Variants in MYH14 observed in about 807,000 individuals in gnomAD.
The protein encoded by MYH14 is myosin-14.
MYH14 carries 123 observed loss-of-function variants against 255.5 expected under a neutral mutation model. That is an observed-to-expected ratio of 0.48 (90% CI 0.42 to 0.56). The LOEUF is 0.56. Among genes scored for constraint, MYH14 ranks in the 20% least tolerant of loss-of-function variants. The pLI is 0.00. For synonymous variants in MYH14, 1,095 were observed against 1,161.2 expected (o/e 0.94, Z 1.16); for missense variants, 2,423 against 2,802.3 (o/e 0.86, Z 3.06).
chr19:50,212,540 C>A (rs78568590), intron 2 of MYH14, among the ~76,000 whole-genome samples: 85 of 152,302 alleles, frequency 5.6e-4, no homozygotes, highest in Middle Eastern at 3.4e-3. Flanking sequence ...GGAATCACGC[C>A]AGGATTTGAA....
rs201570558 is a variant in MYH14 at position 50,223,066 on chromosome 19, C to A, written c.563-17C>A. ...GACTCTCTCAGATGACATATTCCCC[C>A]ACTCTGTCCCCTACAGATCGTGAGG... is the stretch of plus-strand genomic sequence containing the variant. On this transcript the variant is annotated splice_polypyrimidine_tract_variant and intron_variant, in intron 3 of 42. Transcript: ENST00000642316. The A allele has an allele frequency of 2.0e-4, 329 of 1,612,384 alleles. No homozygotes were observed. In the African/African-American group the frequency reaches 4.1e-3, roughly 20 times the overall value.
rs907873235 is a variant in MYH14, at chr19:50,268,193, A to G, written c.2859A>G (p.Gln953=). The G allele has an allele frequency of 7.1e-6, 11 of 1,553,192 alleles. No individual in the cohort carries two copies. The Admixed American group carries it at 2.1e-4, about 30-fold the overall frequency. ...LEEERARLAE[Q]LRAEAELCAE... is the part of the protein sequence containing the mutation. ...AGGAGCGCGCCCGCCTGGCAGAGCA[A>G]TTGCGAGCAGAGGCAGAACTGTGTG... The change falls in exon 24 of 43, where the codon CAA becomes CAG. Residue 953 remains glutamine (Q), a synonymous_variant. Coordinates refer to ENST00000642316, the MANE Select transcript of MYH14 (RefSeq NM_001145809.2).
intron 10 of MYH14, among the ~76,000 whole-genome samples, chr19:50,234,899 C>G (rs1568484228): frequency 6.6e-6 from 1 of 152,204 alleles, no homozygotes; most frequent in African/African-American, 2.4e-5. Flanking sequence ...CCACTCTTCC[C>G]TGGCCCTAGT....
intron 27 of MYH14, among the ~76,000 whole-genome samples, chr19:50,273,756 T>G (rs757792662): frequency 1.3e-5 from 2 of 151,942 alleles, no homozygotes; most frequent in Non-Finnish European, 2.9e-5. Context: ...ATTCTTGTAC[T>G]TCAGCCTCCC....
intron 39 of MYH14, among the ~76,000 whole-genome samples, chr19:50,297,072 G>C (rs1036711311): frequency 6.6e-6 from 1 of 151,100 alleles, no homozygotes; most frequent in Admixed American, 6.6e-5. Flanking sequence ...TGCAACCTCT[G>C]CCTCCCGGAT....
chr19:50,224,084 C>A, intron 5 of MYH14, 70 bp from the exon 6 acceptor site: 1 of 1,045,292 alleles, frequency 9.6e-7, no homozygotes, highest in South Asian at 1.3e-5. Context: ...ATCACTGGTT[C>A]ACCTGTGTGT....
At chr19:50,291,351 G>T (rs1361130346) in intron 36 of MYH14, among the ~76,000 whole-genome samples, 3 of 151,436 alleles carry the variant, frequency 2.0e-5, no homozygotes, top group South Asian at 2.1e-4. Flanking sequence ...ACCCAGGCTG[G>T]AGTGCAGCGA....
chr19:50,286,425 T>C, intron 33 of MYH14, 57 bp from the exon 34 acceptor site: 1 of 1,515,408 alleles, frequency 6.6e-7, no homozygotes, highest in Non-Finnish European at 9.0e-7. Flanking sequence ...CCCGTTCCCT[T>C]GTACACTCCT....
intron 29 of MYH14, 129 bp from the exon 30 acceptor site, chr19:50,277,954 A>G (rs1483326691): frequency 3.3e-6 from 2 of 614,170 alleles, no homozygotes; most frequent in Non-Finnish European, 4.9e-6. Flanking sequence ...GGGGTGAGCT[A>G]TTTGTTCACT....
At chr19:50,209,537 C>T (rs2123150231) in intron 1 of MYH14, among the ~76,000 whole-genome samples, 2 of 152,274 alleles carry the variant, frequency 1.3e-5, no homozygotes, top group East Asian at 1.9e-4. Flanking sequence ...GTAATCCCAG[C>T]ACTTTGGGAG....
Position 50,244,247 on chromosome 19 carries a change from C to T in MYH14, c.1120C>T (p.Leu374=), listed in dbSNP as rs374603776. The T allele has an allele frequency of 7.2e-5, 117 of 1,613,806 alleles. No homozygotes were observed. Among genetic ancestry groups the T allele is most frequent in the Middle Eastern group, 3.3e-4 (2 of 6,084 alleles). ...CTCTGTCCTTGCGTCCCCAGCCATGCTGCGGATGGTCTCAGCAGTTCTCCA... is the reference window on the plus strand; with the variant it reads ...CTCTGTCCTTGCGTCCCCAGCCATGTTGCGGATGGTCTCAGCAGTTCTCCA... ...GFSHEEIISM[L]RMVSAVLQFG... is the part of the protein sequence containing the mutation. The change falls in exon 11 of 43, where the codon CTG becomes TTG. Residue 374 remains leucine (L), a synonymous_variant. Transcript: ENST00000642316.
intron 39 of MYH14, 81 bp from the exon 40 acceptor site, chr19:50,301,576 CTTAA>C: frequency 2.0e-6 from 2 of 996,232 alleles, no homozygotes; most frequent in East Asian, 4.8e-5. Flanking sequence ...CATCAGTGCA[CTTAA>C]TTCTCAGAGG....
intron 10 of MYH14, among the ~76,000 whole-genome samples, chr19:50,239,763 A>T (rs762251806): frequency 6.6e-6 from 1 of 151,820 alleles, no homozygotes; most frequent in Non-Finnish European, 1.5e-5. Flanking sequence ...GTTAGCCAGG[A>T]TGGTCTCGAT....
intron 30 of MYH14, 110 bp from the exon 31 acceptor site, chr19:50,279,927 G>A (rs981632315): frequency 3.0e-5 from 25 of 831,846 alleles, no homozygotes; most frequent in South Asian, 1.5e-4. Flanking sequence ...TGTTTTCCAC[G>A]GCAGCTGTAA....
chr19:50,243,832 C>T (rs79683141), intron 10 of MYH14, among the ~76,000 whole-genome samples: 2,297 of 152,264 alleles, frequency 0.015, 79 homozygotes, highest in African/African-American at 0.053. Flanking sequence ...TTAAATTCTA[C>T]TTGCATTGTT....
intron 6 of MYH14, chr19:50,224,810 C>G (rs1568474226): frequency 2.2e-6 from 1 of 456,434 alleles, no homozygotes; most frequent in Non-Finnish European, 4.4e-6. Flanking sequence ...TTTTGCCTTA[C>G]TTAAAAATTC....
At position 50,301,645 on chromosome 19, in the gene MYH14, T is replaced by A; in HGVS notation, c.5470-16T>A. 2 of 1,603,050 alleles carry A rather than the reference T, an allele frequency of 1.2e-6. No individual in the cohort carries two copies. The highest frequency in any genetic ancestry group is 1.7e-6 in the Non-Finnish European group (2 of 1,171,032). ...GAGACTCCACCATGACATCCTTCCT[T>A]CCCCTCCTGCTACAGGTAGAGTCAC... On this transcript the variant is annotated splice_polypyrimidine_tract_variant and intron_variant, in intron 39 of 42. Transcript: ENST00000642316.
intron 11 of MYH14, 41 bp from the exon 12 acceptor site, chr19:50,246,963 C>T: frequency 6.9e-7 from 1 of 1,440,940 alleles, no homozygotes; most frequent in Non-Finnish European, 9.6e-7. Context: ...GCAAGCACCT[C>T]TTCCCAGTGC....
chr19:50,303,047 G>T (rs763343380), intron 40 of MYH14, among the ~76,000 whole-genome samples: 2 of 152,258 alleles, frequency 1.3e-5, no homozygotes, highest in African/African-American at 2.4e-5. Context: ...TATTATTTAC[G>T]TAATAACGTG....
Sources: allele counts gnomAD v4.1 joint callset (sites outside exome capture counted in the v4.1 genomes callset), GRCh38; gene constraint gnomAD v4.1.1; transcripts MANE v1.5; gene names NCBI Gene and HGNC (gene_info 2026-07-23, HGNC 2026-07-21).